Variants in RIMS1 observed in about 807,000 individuals in gnomAD.
The protein encoded by RIMS1 is regulating synaptic membrane exocytosis 1, also known as regulating synaptic membrane exocytosis protein 1.
Under a neutral mutation model 214.1 loss-of-function variants are expected in RIMS1, and 83 were observed. The ratio of observed to expected loss-of-function variants is 0.39; its 90% CI spans 0.32 to 0.47. The LOEUF (loss-of-function observed/expected upper bound fraction) is 0.47, where lower values mean the gene tolerates loss of function less well. Among genes scored for constraint, RIMS1 ranks in the 20% least tolerant of loss-of-function variants. The probability of loss-of-function intolerance (pLI) is 0.99; values close to 1 mark genes in which losing one functional copy is unlikely to be tolerated. For synonymous variants in RIMS1, 793 were observed against 786.8 expected (o/e 1.01, Z -0.13); for missense variants, 2,050 against 2,161.8 (o/e 0.95, Z 1.03).
chr6:72,243,935 AT>A (rs1213958329), intron 10 of RIMS1, among the ~76,000 whole-genome samples: 1 of 151,384 alleles, frequency 6.6e-6, no homozygotes, highest in Non-Finnish European at 1.5e-5. Flanking sequence ...TAGTGAATAC[AT>A]TATTGGAATC....
intron 4 of RIMS1, among the ~76,000 whole-genome samples, chr6:72,143,656 C>A (rs536958124): frequency 6.6e-5 from 10 of 152,172 alleles, no homozygotes; most frequent in African/African-American, 2.4e-4. Flanking sequence ...CCTTCTATCA[C>A]GCTGTGTTGG....
intron 1 of RIMS1, among the ~76,000 whole-genome samples, chr6:71,897,918 G>T (rs1772340597): frequency 6.6e-6 from 1 of 152,162 alleles, no homozygotes; most frequent in South Asian, 2.1e-4. Flanking sequence ...AGAGTGGGAT[G>T]ATTATTCTAA....
intron 16 of RIMS1, 134 bp from the exon 17 acceptor site, chr6:72,257,991 G>A (rs933512903): frequency 1.4e-6 from 1 of 734,298 alleles, no homozygotes; most frequent in East Asian, 2.7e-5. Context: ...TGAAGATAAG[G>A]CTATTAATAC....
intron 2 of RIMS1, among the ~76,000 whole-genome samples, chr6:72,002,562 G>C (rs1039953502): frequency 6.6e-6 from 1 of 152,156 alleles, no homozygotes; most frequent in Non-Finnish European, 1.5e-5. Flanking sequence ...CATCATCCCA[G>C]TCAGGGAAGC....
At chr6:72,123,696 T>C (rs1266920918) in intron 4 of RIMS1, among the ~76,000 whole-genome samples, 1 of 151,926 alleles carries the variant, frequency 6.6e-6, no homozygotes, top group Non-Finnish European at 1.5e-5. Context: ...TTAGCTCTTC[T>C]TGTTGAATTG....
intron 6 of RIMS1, among the ~76,000 whole-genome samples, chr6:72,222,106 AAAT>A (rs906923963): frequency 4.6e-5 from 7 of 152,058 alleles, no homozygotes; most frequent in Admixed American, 1.3e-4. Context: ...AACATTACTG[AAAT>A]AATATTCAAT....
intron 29 of RIMS1, among the ~76,000 whole-genome samples, chr6:72,351,667 TC>T (rs1343714417): frequency 6.6e-6 from 1 of 152,174 alleles, no homozygotes; most frequent in East Asian, 1.9e-4. Flanking sequence ...GCCTATAGCC[TC>T]AGTCCTTAAC....
intron 24 of RIMS1, among the ~76,000 whole-genome samples, chr6:72,288,208 A>G (rs752446728): frequency 2.6e-4 from 40 of 152,270 alleles, no homozygotes; most frequent in Admixed American, 2.5e-3. Context: ...AGGTCACTCT[A>G]TGACCCTCAG....
In RIMS1 at chr6:72,182,316, G is replaced by A. The variant is rs1230951324; in HGVS notation, c.845G>A (p.Gly282Asp). The part of the protein sequence containing the change: ...KKTPGLSEQN[G>D]KGALKSERKR... The stretch of plus-strand genomic sequence containing the variant: ...ACCCCAGGGCTTTCCGAGCAGAATG[G>A]CAAAGGAGCCCTGAAGAGCGAGCGG... Residue 282 changes from glycine (G) to aspartate (D), a missense_variant, in exon 6 of 34, where the codon GGC (glycine) becomes GAC (aspartate). Gly to Asp is a moderately conservative substitution (Grantham distance 94). Transcript: ENST00000521978. 2 of 1,607,032 alleles carry A rather than the reference G, an allele frequency of 1.2e-6. No individual in the cohort carries two copies. The highest frequency in any genetic ancestry group is 1.7e-6 in the Non-Finnish European group (2 of 1,176,556).
chr6:72,209,691 G>A (rs547004383), intron 6 of RIMS1, among the ~76,000 whole-genome samples: 6 of 152,194 alleles, frequency 3.9e-5, no homozygotes, highest in African/African-American at 1.2e-4. Context: ...CACGAGGTTA[G>A]GAGATTGAGA....
At chr6:72,097,222 C>A in intron 3 of RIMS1, 60 bp downstream of exon 3, 2 of 1,424,226 alleles carry the variant, frequency 1.4e-6, no homozygotes, top group Non-Finnish European at 2.0e-6. Flanking sequence ...TTACGCCTTC[C>A]AAACATGAGA....
intron 2 of RIMS1, among the ~76,000 whole-genome samples, chr6:72,001,815 TC>T (rs1013618901): frequency 2.0e-5 from 3 of 152,172 alleles, no homozygotes; most frequent in African/African-American, 7.2e-5. Flanking sequence ...ACCAGGGACA[TC>T]CCTGTGATAT....
At chr6:71,938,576 C>T (rs1785146995) in intron 1 of RIMS1, among the ~76,000 whole-genome samples, 1 of 152,124 alleles carries the variant, frequency 6.6e-6, no homozygotes, top group Admixed American at 6.5e-5. Context: ...CACACCTGGA[C>T]ATGCATGAGC....
intron 29 of RIMS1, among the ~76,000 whole-genome samples, chr6:72,366,055 T>G (rs933196531): frequency 6.6e-6 from 1 of 152,206 alleles, no homozygotes; most frequent in Non-Finnish European, 1.5e-5. Flanking sequence ...AATGGAAATG[T>G]GTGTAAAGCT....
intron 28 of RIMS1, among the ~76,000 whole-genome samples, chr6:72,330,811 A>G (rs1462073999): frequency 5.3e-5 from 8 of 151,816 alleles, no homozygotes; most frequent in South Asian, 2.1e-4. Flanking sequence ...ATTAGATTCT[A>G]TGAACTGCCT....
intron 1 of RIMS1, among the ~76,000 whole-genome samples, chr6:71,897,445 A>G (rs2150407804): frequency 6.6e-6 from 1 of 152,276 alleles, no homozygotes; most frequent in South Asian, 2.1e-4. Flanking sequence ...GTCCGTGAAT[A>G]CATTCCTGCC....
intron 1 of RIMS1, among the ~76,000 whole-genome samples, chr6:71,947,279 A>G (rs1788139658): frequency 6.6e-6 from 1 of 152,158 alleles, no homozygotes; most frequent in East Asian, 1.9e-4. Flanking sequence ...CATTATTCAC[A>G]ATAGCCAAGA....
chr6:72,025,181 A>G (rs1585131785), intron 2 of RIMS1, among the ~76,000 whole-genome samples: 1 of 152,202 alleles, frequency 6.6e-6, no homozygotes, highest in South Asian at 2.1e-4. Context: ...GGGATTACAG[A>G]CATGAGCCAC....
chr6:71,987,028 A>G (rs953951047), intron 2 of RIMS1, among the ~76,000 whole-genome samples: 5 of 152,238 alleles, frequency 3.3e-5, no homozygotes, highest in African/African-American at 1.2e-4. Context: ...GAGAATATTT[A>G]TATTTACATG....
Sources: gnomAD v4.1 joint callset for allele counts (sites outside exome capture counted in the v4.1 genomes callset) on GRCh38, gnomAD v4.1.1 for gene constraint, MANE v1.5 for transcripts, NCBI Gene and HGNC (gene_info 2026-07-23, HGNC 2026-07-21) for gene names.